SSR4: variants seen among roughly 807,000 people sequenced by gnomAD.
The protein encoded by SSR4 is signal sequence receptor subunit 4, also known as translocon-associated protein subunit delta.
For missense variants in SSR4, 125 were observed against 148.8 expected, an observed-to-expected ratio of 0.84 and a Z score of 0.83; for synonymous variants, 84 against 65.6, an observed-to-expected ratio of 1.28 and a Z score of -1.35.
At position 153,798,128 on chromosome X, in the gene SSR4, G is replaced by A; in HGVS notation, c.409G>A (p.Asp137Asn). 1 of 1,211,360 alleles carries A rather than the reference G, an allele frequency of 8.3e-7. No individual in the cohort carries two copies. The highest frequency in any genetic ancestry group is 1.1e-6 in the Non-Finnish European group (1 of 895,098). ...IIPPLFTVSV[D>N]HRGTWNGPWV... Reference sequence around the variant, plus strand: ...CCCGCCTCTGTTTACAGTCAGCGTGGACCATCGGGTGAGTGGCCTGGTCCC... The same window carrying A: ...CCCGCCTCTGTTTACAGTCAGCGTGAACCATCGGGTGAGTGGCCTGGTCCC... The change falls in exon 5 of 6, where the codon GAC becomes AAC. Residue 137 changes from aspartate (D) to asparagine (N), a missense_variant. By Grantham distance (23) the Asp-to-Asn change is conservative. Coordinates refer to ENST00000370086, the MANE Select transcript of SSR4 (RefSeq NM_006280.3).
chrX:153,795,918 ACTT>A (rs2092137607), intron 1 of SSR4: 1 of 683,509 alleles, frequency 1.5e-6, no homozygotes, highest in South Asian at 7.4e-5. Context: ...TCTCCCGTTT[ACTT>A]CTTCAGGAAA....
chrX:153,794,597 G>A, upstream of SSR4: 1 of 1,195,348 alleles, frequency 8.4e-7, no homozygotes, highest in Non-Finnish European at 1.1e-6. Flanking sequence ...TGCGCGATTG[G>A]CTGCCGCTGC....
upstream of SSR4, chrX:153,794,294 G>A (rs1557071361): frequency 8.3e-7 from 1 of 1,198,380 alleles, no homozygotes; most frequent in Admixed American, 2.2e-5. Context: ...CCTTCGCGGC[G>A]CTGCCGGCGA....
At chrX:153,794,931 C>T in intron 1 of SSR4, 177 bp downstream of exon 1, 2 of 537,376 alleles carry the variant, frequency 3.7e-6, no homozygotes, top group Non-Finnish European at 5.9e-6. Context: ...GCACGTTTAC[C>T]GGCAGCCAGG....
rs782426968 is a variant in SSR4 at position 153,798,421 on chromosome X, C to T, written c.510C>T (p.His170=). The T allele has an allele frequency of 1.1e-5, 13 of 1,187,873 alleles. No homozygotes were observed. In the South Asian group the frequency reaches 1.7e-4, roughly 15 times the overall value. ...IYYLAFSAKS[H]IQA ...ACTTGGCCTTCAGTGCGAAGAGCCA[C>T]ATCCAGGCCTGAGGGCGGCACCCCA... Residue 170 remains histidine, a synonymous_variant, in exon 6 of 6, where the codon CAC becomes CAT. Transcript: ENST00000370086.
At chrX:153,797,595 A>AG in intron 3 of SSR4, 63 bp downstream of exon 3, 1 of 1,146,517 alleles carries the variant, frequency 8.7e-7, no homozygotes, top group Non-Finnish European at 1.2e-6. Flanking sequence ...CTGAAGCCCC[A>AG]GGGGTGGCCG....
intron 1 of SSR4, 70 bp downstream of exon 1, chrX:153,794,824 G>T: frequency 1.8e-6 from 2 of 1,120,234 alleles, no homozygotes; most frequent in South Asian, 2.0e-5. Flanking sequence ...GGGGCAGGAG[G>T]GATGCGGGGG....
At chrX:153,796,587 G>A (rs569860372) in intron 2 of SSR4, 35 bp downstream of exon 2, 2 of 1,008,177 alleles carry the variant, frequency 2.0e-6, no homozygotes, top group Non-Finnish European at 2.8e-6. Context: ...GAGGGCGGGT[G>A]GGGGGTGCTC....
rs781852097 is a variant in SSR4 at position 153,796,514 on chromosome X, A to C, written c.148A>C (p.Ile50Leu). 3 of 1,209,151 alleles carry C rather than the reference A, an allele frequency of 2.5e-6. No homozygotes were observed. Among genetic ancestry groups the C allele is most frequent in the Non-Finnish European group, 3.4e-6 (3 of 893,526 alleles). Residue 50 changes from isoleucine to leucine, a missense_variant, in exon 2 of 6, where the codon ATT (isoleucine) becomes CTT (leucine). Transcript: ENST00000370086. ...DAVISTETVF[I>L]VEISLTCKNR... is the part of the protein sequence containing the mutation. ...TGTCATTTCCACTGAGACCGTCTTC[A>C]TTGTGGAGATCTCCCTGACATGCAA... is the stretch of plus-strand genomic sequence containing the variant.
intron 5 of SSR4, 36 bp downstream of exon 5, chrX:153,798,172 T>G: frequency 8.4e-7 from 1 of 1,192,584 alleles, no homozygotes; most frequent in Non-Finnish European, 1.1e-6. Context: ...TTTGGGGTTG[T>G]TGGGCTGAGT....
At chrX:153,796,294 G>A (rs192153949) in intron 1 of SSR4, 140 bp from the exon 2 acceptor site, 13 of 466,394 alleles carry the variant, frequency 2.8e-5, no homozygotes, top group African/African-American at 9.6e-5. Context: ...GATCTGTCTC[G>A]CATATCCCAC....
rs371271664 is a variant in SSR4 at position 153,796,387 on chromosome X, G to T, written c.68-47G>T. 21 of 973,004 alleles carry T rather than the reference G, an allele frequency of 2.2e-5. No individual in the cohort carries two copies. In the African/African-American group the frequency reaches 3.2e-4, roughly 15 times the overall value. The allele number at this position is 973,004 out of a possible 1,213,427, so 80.2% of individuals were successfully genotyped here. ...CCGGGCCATCCTGCCCTCAGACCGG[G>T]ATACTCGAGCTGGCCTTACCCAGGC... On this transcript the variant is annotated intron_variant, in intron 1 of 5. Coordinates refer to ENST00000370086, the MANE Select transcript of SSR4 (RefSeq NM_006280.3).
intron 1 of SSR4, chrX:153,795,843 T>C: frequency 1.3e-6 from 1 of 755,114 alleles, no homozygotes; most frequent in Non-Finnish European, 1.6e-6. Flanking sequence ...CCTCTGGTTA[T>C]GGAGAAGGCT....
Position 153,796,187 on chromosome X carries a change from T to C in SSR4, c.68-247T>C, listed in dbSNP as rs2092139872. On this transcript the variant is annotated intron_variant, in intron 1 of 5. Coordinates refer to ENST00000370086, the MANE Select transcript of SSR4 (RefSeq NM_006280.3). ...GCCCCCACCTGTCCCCAGTTCGCTC[T>C]TCCTGCACACCTCCAGAAAGCCGGC... 4 of 393,078 alleles carry C rather than the reference T, an allele frequency of 1.0e-5. No individual in the cohort carries two copies. The Admixed American group carries it at 1.4e-4, about 13-fold the overall frequency. The allele number at this position is 393,078 out of a possible 1,213,427, so 32.4% of individuals were successfully genotyped here. A position where few individuals can be genotyped will look rare whatever the true frequency, so the allele number is the denominator to read the frequency against.
chrX:153,798,266 C>T lies in SSR4; in HGVS notation c.418-63C>T, dbSNP rs2092155020. On this transcript the variant is annotated intron_variant, in intron 5 of 5. Transcript: ENST00000370086. ...CTTGGTTCCCCTGGCGGAAGGTGAC[C>T]AGGGCTGGCTGGTCTGCTCACCTGT... 4.2e-6 allele frequency: 5 copies of T among 1,190,381 alleles called. No homozygotes were observed. The East Asian group carries it at 1.5e-4, about 35-fold the overall frequency.
At position 153,797,736 on chromosome X, in the gene SSR4, C is replaced by T. The variant is rs868909487; in HGVS notation, c.273C>T (p.Ser91=). ...QDVGRYQVSW[S]LDHKSAHAGT... Reference sequence around the variant, plus strand: ...AACACCCAACCCAGGTGTCCTGGAGCCTGGACCACAAGAGCGCCCACGCAG... The same window carrying T: ...AACACCCAACCCAGGTGTCCTGGAGTCTGGACCACAAGAGCGCCCACGCAG... The change falls in exon 4 of 6, where the codon AGC becomes AGT. Residue 91 remains serine, a synonymous_variant. Coordinates refer to ENST00000370086, the MANE Select transcript of SSR4 (RefSeq NM_006280.3). The T allele has an allele frequency of 8.3e-7, 1 of 1,210,613 alleles. No homozygotes were observed. Among genetic ancestry groups the T allele is most frequent in the Non-Finnish European group, 1.1e-6 (1 of 894,908 alleles).
chrX:153,794,553 C>T (rs781975256), upstream of SSR4: 2 of 1,172,215 alleles, frequency 1.7e-6, no homozygotes, highest in African/African-American at 3.5e-5. Flanking sequence ...GTCAGTGCTG[C>T]CAGAGACGTC....
In SSR4 at chrX:153,798,344, C is replaced by A. The variant is rs2148451527; in HGVS notation, c.433C>A (p.Pro145Thr). The A allele has an allele frequency of 8.3e-7, 1 of 1,206,947 alleles. No individual in the cohort carries two copies. The highest frequency in any genetic ancestry group is 1.1e-6 in the Non-Finnish European group (1 of 892,956). The change falls in exon 6 of 6, where the codon CCC (proline) becomes ACC (threonine). Residue 145 changes from proline to threonine, a missense_variant. Physicochemically the swap from Pro to Thr is conservative, Grantham distance 38. Transcript: ENST00000370086. ...SVDHRGTWNG[P>T]WVSTEVLAAA... ...TTTTTTTCAGGGCACTTGGAACGGG[C>A]CCTGGGTGTCCACTGAGGTGCTGGC...
rs1253746316 is a variant in SSR4 at position 153,797,953 on chromosome X, C to G, written c.352-118C>G. On this transcript the variant is annotated intron_variant, in intron 4 of 5. Coordinates refer to ENST00000370086, the MANE Select transcript of SSR4 (RefSeq NM_006280.3). ...CTTCCTCAGTGTCTCTTGCCCATTTCTCTCCTTTCCTTTTCTGGGGCTTGG... is the reference window on the plus strand; with the variant it reads ...CTTCCTCAGTGTCTCTTGCCCATTTGTCTCCTTTCCTTTTCTGGGGCTTGG... 1.1e-5 allele frequency: 10 copies of G among 914,862 alleles called. No individual in the cohort carries two copies. In the East Asian group the frequency reaches 2.5e-4, roughly 23 times the overall value. The allele number at this position is 914,862 out of a possible 1,213,427, so 75.4% of individuals were successfully genotyped here.
Sources: gnomAD v4.1 joint callset for allele counts on GRCh38, gnomAD v4.1.1 for gene constraint, MANE v1.5 for transcripts, NCBI Gene and HGNC (gene_info 2026-07-23, HGNC 2026-07-21) for gene names.